STK3: variants seen among roughly 807,000 people sequenced by gnomAD.
The protein encoded by STK3 is serine/threonine-protein kinase 3.
STK3 carries 41 observed loss-of-function variants against 58.0 expected under a neutral mutation model. The observed-to-expected ratio is 0.71, with a 90% CI of 0.55 to 0.92. STK3 has a LOEUF of 0.92. STK3 is among the 40% of genes least tolerant of loss of function. The pLI is 0.00. For missense variants in STK3, 479 were observed against 602.7 expected (o/e 0.79, Z 2.15); for synonymous variants, 170 against 191.0 (o/e 0.89, Z 0.91).
At chr8:98,575,794 C>A (rs536867765) in intron 8 of STK3, among the ~76,000 whole-genome samples, 1 of 152,094 alleles carries the variant, frequency 6.6e-6, no homozygotes, top group Non-Finnish European at 1.5e-5. Flanking sequence ...GGATACTAGA[C>A]CCTTATCAGA....
At chr8:98,745,648 G>A (rs1055658598) in intron 4 of STK3, among the ~76,000 whole-genome samples, 7 of 151,978 alleles carry the variant, frequency 4.6e-5, no homozygotes, top group African/African-American at 7.2e-5. Flanking sequence ...TGGAACAGAG[G>A]CCAAGAGGCT....
intron 3 of STK3, among the ~76,000 whole-genome samples, chr8:98,864,478 G>A (rs1837058610): frequency 6.6e-6 from 1 of 152,258 alleles, no homozygotes; most frequent in South Asian, 2.1e-4. Context: ...TCTTCTTGTT[G>A]AAGCCACTAG....
At position 98,455,765 on chromosome 8, in the gene STK3, A is replaced by C. The variant is rs1819443398; in HGVS notation, c.*77T>G. ...ATTGTAGGGCAAAATCTTAGGATTAAAAATATCCAAATATTCCTTCAATTC... is the reference window on the plus strand; with the variant it reads ...ATTGTAGGGCAAAATCTTAGGATTACAAATATCCAAATATTCCTTCAATTC... On this transcript the variant is annotated 3_prime_UTR_variant, in exon 11 of 11. Coordinates refer to ENST00000419617, the MANE Select transcript of STK3 (RefSeq NM_006281.4). 6.4e-7 allele frequency: 1 copy of C among 1,551,334 alleles called. No homozygotes were observed. The highest frequency in any genetic ancestry group is 1.4e-5 in the African/African-American group (1 of 73,030).
chr8:98,345,072 G>A, the STK3 span, among the ~76,000 whole-genome samples: 3 of 151,840 alleles, frequency 2.0e-5, no homozygotes, highest in African/African-American at 7.3e-5. Context: ...ACCCTTAGAA[G>A]CACAGAATGT....
intron 1 of STK3, among the ~76,000 whole-genome samples, chr8:98,928,491 G>C (rs1476594904): frequency 6.6e-6 from 1 of 152,198 alleles, no homozygotes; most frequent in East Asian, 1.9e-4. Context: ...TGGATGGTTA[G>C]TTAGTCCCTC....
At chr8:98,842,874 C>T (rs1248043350) in intron 3 of STK3, among the ~76,000 whole-genome samples, 2 of 152,002 alleles carry the variant, frequency 1.3e-5, no homozygotes, top group East Asian at 3.9e-4. Flanking sequence ...AGGCATGGTC[C>T]TTAGCTAATT....
At chr8:98,929,682 G>A (rs889587654) in intron 1 of STK3, among the ~76,000 whole-genome samples, 1 of 152,124 alleles carries the variant, frequency 6.6e-6, no homozygotes, top group East Asian at 1.9e-4. Flanking sequence ...ATAAAGATCA[G>A]GTTAGTACAA....
At chr8:98,379,271 A>G (rs973006584) in intron 1 of STK3, 3 of 152,254 alleles carry the variant, frequency 2.0e-5, no homozygotes, top group African/African-American at 7.2e-5. Flanking sequence ...TTATACTCCC[A>G]ACAACGGACT....
Position 98,526,727 on chromosome 8 carries a change from T to C in STK3, c.1317+15A>G, listed in dbSNP as rs1368077233. On this transcript the variant is annotated intron_variant, in intron 10 of 10. Coordinates refer to ENST00000419617, the MANE Select transcript of STK3 (RefSeq NM_006281.4). ...GAAGGAGAAAACATAAATTGAAGAATTAAAATGTACTTACAAAGTCAAAGT... is the reference window on the plus strand; with the variant it reads ...GAAGGAGAAAACATAAATTGAAGAACTAAAATGTACTTACAAAGTCAAAGT... 6.6e-7 allele frequency: 1 copy of C among 1,525,994 alleles called. No individual in the cohort carries two copies. Among genetic ancestry groups the C allele is most frequent in the Non-Finnish European group, 8.8e-7 (1 of 1,135,524 alleles). The allele number at this position is 1,525,994 out of a possible 1,614,324, so 94.5% of individuals were successfully genotyped here.
chr8:98,745,231 C>T (rs1252194982), intron 4 of STK3, among the ~76,000 whole-genome samples: 3 of 152,184 alleles, frequency 2.0e-5, no homozygotes, highest in South Asian at 4.1e-4. Flanking sequence ...TGTGGGAATA[C>T]ACCACCTCTT....
intron 7 of STK3, among the ~76,000 whole-genome samples, chr8:98,583,072 T>C (rs1394410902): frequency 6.6e-6 from 1 of 152,162 alleles, no homozygotes; most frequent in African/African-American, 2.4e-5. Context: ...ATGTTATTCA[T>C]ACTATCTTTT....
At chr8:98,684,653 T>A (rs1341745699) in intron 6 of STK3, among the ~76,000 whole-genome samples, 1 of 152,180 alleles carries the variant, frequency 6.6e-6, no homozygotes, top group Non-Finnish European at 1.5e-5. Flanking sequence ...CCATTATAAC[T>A]AATTCAGAGA....
chr8:98,513,554 T>G (rs941996492), intron 10 of STK3, among the ~76,000 whole-genome samples: 2 of 152,086 alleles, frequency 1.3e-5, no homozygotes, highest in African/African-American at 4.8e-5. Flanking sequence ...TCCCTAGAAG[T>G]TGGGGAAAAT....
intron 7 of STK3, among the ~76,000 whole-genome samples, chr8:98,585,483 G>A (rs1814454478): frequency 6.6e-6 from 1 of 151,204 alleles, no homozygotes; most frequent in Admixed American, 6.6e-5. Flanking sequence ...GTACCATGCT[G>A]TTTTGGTTAC....
chr8:98,344,276 C>A, the STK3 span, among the ~76,000 whole-genome samples: 3 of 152,202 alleles, frequency 2.0e-5, no homozygotes, highest in African/African-American at 7.2e-5. Context: ...TACCTAAATT[C>A]TACCATGTTT....
chr8:98,620,503 A>C (rs183451406), intron 6 of STK3, among the ~76,000 whole-genome samples: 1 of 149,148 alleles, frequency 6.7e-6, no homozygotes, highest in East Asian at 1.9e-4. Context: ...AATAAATAAA[A>C]AGGTCAACAT....
intron 1 of STK3, among the ~76,000 whole-genome samples, chr8:98,793,216 T>C (rs146636514): frequency 8.5e-5 from 13 of 152,054 alleles, no homozygotes; most frequent in Admixed American, 3.3e-4. Context: ...AGACGACAAA[T>C]TGGGTACAGT....
intron 6 of STK3, among the ~76,000 whole-genome samples, chr8:98,667,833 T>C (rs1822486874): frequency 6.6e-6 from 1 of 152,018 alleles, no homozygotes; most frequent in Non-Finnish European, 1.5e-5. Flanking sequence ...TCTTCAATGT[T>C]AAAAAAATCC....
chr8:98,710,685 G>T (rs1385037232), intron 4 of STK3, among the ~76,000 whole-genome samples: 1 of 152,214 alleles, frequency 6.6e-6, no homozygotes, highest in African/African-American at 2.4e-5. Flanking sequence ...CAAGGAGGCT[G>T]GCCTACCTCT....
Sources: allele counts gnomAD v4.1 joint callset (sites outside exome capture counted in the v4.1 genomes callset), GRCh38; gene constraint gnomAD v4.1.1; transcripts MANE v1.5; gene names NCBI Gene and HGNC (gene_info 2026-07-23, HGNC 2026-07-21).